Variants in CTNNA2 observed in about 807,000 individuals in gnomAD.
CTNNA2 encodes catenin alpha-2.
A neutral mutation model predicts 101.0 loss-of-function variants in CTNNA2; 42 were observed. That is an observed-to-expected ratio of 0.42 (90% CI 0.32 to 0.54). The LOEUF (loss-of-function observed/expected upper bound fraction) is 0.54, where lower values mean the gene tolerates loss of function less well. CTNNA2 is among the 20% of genes least tolerant of loss of function. CTNNA2 has a pLI of 0.14. For missense variants in CTNNA2, 871 were observed against 1,223.1 expected (o/e 0.71, Z 4.29); for synonymous variants, 450 against 456.4 (o/e 0.99, Z 0.18).
At chr2:79,859,528 T>C (rs1013292856) in intron 4 of CTNNA2, among the ~76,000 whole-genome samples, 1 of 152,102 alleles carries the variant, frequency 6.6e-6, no homozygotes, top group African/African-American at 2.4e-5. Context: ...AGCTCCGAGG[T>C]CATAAACATA....
chr2:79,814,906 T>C (rs1453314931), intron 3 of CTNNA2, among the ~76,000 whole-genome samples: 1 of 152,160 alleles, frequency 6.6e-6, no homozygotes, highest in African/African-American at 2.4e-5. Context: ...TGTAGAAGTG[T>C]TCCCTGATGA....
intron 7 of CTNNA2, among the ~76,000 whole-genome samples, chr2:80,257,714 C>T (rs2149117038): frequency 6.6e-6 from 1 of 152,322 alleles, no homozygotes; most frequent in African/African-American, 2.4e-5. Context: ...TCTCCTCAAG[C>T]ACTCGCGCTC....
At chr2:79,540,007 T>C (rs942414069) in intron 1 of CTNNA2, among the ~76,000 whole-genome samples, 2 of 152,208 alleles carry the variant, frequency 1.3e-5, no homozygotes, top group African/African-American at 4.8e-5. Context: ...CTAATTTGTA[T>C]ATAATTCCTA....
chr2:80,352,560 C>T (rs979262831), intron 7 of CTNNA2, among the ~76,000 whole-genome samples: 1 of 152,096 alleles, frequency 6.6e-6, no homozygotes, highest in Non-Finnish European at 1.5e-5. Flanking sequence ...ACTTCATCAG[C>T]AGTAAGAATT....
At chr2:80,007,846 G>A (rs547209879) in intron 7 of CTNNA2, among the ~76,000 whole-genome samples, 1 of 152,070 alleles carries the variant, frequency 6.6e-6, no homozygotes, top group Non-Finnish European at 1.5e-5. Context: ...ACAGTGAGAG[G>A]ACCACTACTC....
intron 7 of CTNNA2, among the ~76,000 whole-genome samples, chr2:79,970,211 G>C (rs1462886097): frequency 6.6e-6 from 1 of 152,134 alleles, no homozygotes; most frequent in African/African-American, 2.4e-5. Context: ...AATGGTAGGA[G>C]GACAGTAATG....
chr2:80,169,227 G>C (rs1365824773), intron 7 of CTNNA2, among the ~76,000 whole-genome samples: 1 of 152,182 alleles, frequency 6.6e-6, no homozygotes, highest in Admixed American at 6.5e-5. Flanking sequence ...AGGGAAGATT[G>C]TGTGACTCAA....
chr2:79,437,837 T>G (rs1678733917), intron 4 of CTNNA2, among the ~76,000 whole-genome samples: 1 of 152,164 alleles, frequency 6.6e-6, no homozygotes, highest in Non-Finnish European at 1.5e-5. Context: ...GCGCTGCTCT[T>G]TGTTCCAGCG....
At chr2:79,265,107 C>A (rs150685336) in intron 2 of CTNNA2, among the ~76,000 whole-genome samples, 2,691 of 152,236 alleles carry the variant, frequency 0.018, 32 homozygotes, top group Admixed American at 0.026. Flanking sequence ...TTTTGAGGAA[C>A]CATTTTAGGA....
chr2:80,577,829 G>C (rs116669113), intron 13 of CTNNA2, among the ~76,000 whole-genome samples: 1 of 152,066 alleles, frequency 6.6e-6, no homozygotes, highest in Non-Finnish European at 1.5e-5. Flanking sequence ...TATATTCTCA[G>C]CCTTCTCCCA....
intron 3 of CTNNA2, among the ~76,000 whole-genome samples, chr2:79,771,822 T>C (rs1381515235): frequency 6.6e-6 from 1 of 152,226 alleles, no homozygotes; most frequent in Non-Finnish European, 1.5e-5. Context: ...TTCTAGTTGA[T>C]ACAAAATTAT....
chr2:79,930,427 C>A (rs954015941), intron 7 of CTNNA2, among the ~76,000 whole-genome samples: 1 of 152,188 alleles, frequency 6.6e-6, no homozygotes, highest in Non-Finnish European at 1.5e-5. Context: ...TGTAGAGCAA[C>A]CTTAGGTTCT....
At chr2:79,461,816 T>C (rs1670882745) in intron 4 of CTNNA2, among the ~76,000 whole-genome samples, 1 of 152,026 alleles carries the variant, frequency 6.6e-6, no homozygotes, top group African/African-American at 2.4e-5. Context: ...GTAAAATTGA[T>C]GAGGAAAAAG....
At chr2:79,260,399 A>G (rs1034847217) in intron 2 of CTNNA2, among the ~76,000 whole-genome samples, 3 of 152,134 alleles carry the variant, frequency 2.0e-5, no homozygotes, top group Admixed American at 1.3e-4. Context: ...TGTTTGCTAG[A>G]TATGTCTCCT....
At chr2:80,107,914 G>A (rs1202170229) in intron 7 of CTNNA2, among the ~76,000 whole-genome samples, 2 of 152,208 alleles carry the variant, frequency 1.3e-5, no homozygotes, top group African/African-American at 4.8e-5. Flanking sequence ...TCCCACAAGA[G>A]GTTGAGTGGG....
chr2:79,347,159 C>T (rs1677281315), intron 3 of CTNNA2, among the ~76,000 whole-genome samples: 1 of 152,102 alleles, frequency 6.6e-6, no homozygotes, highest in African/African-American at 2.4e-5. Context: ...CTTCAAGCAA[C>T]CATAAGAAAA....
At chr2:80,569,296 G>A (rs573089458) in intron 12 of CTNNA2, among the ~76,000 whole-genome samples, 5 of 152,200 alleles carry the variant, frequency 3.3e-5, no homozygotes, top group African/African-American at 9.6e-5. Context: ...GGATATCATC[G>A]TTTTGTGGCC....
At chr2:80,556,540 A>G (rs1348642704) in intron 12 of CTNNA2, among the ~76,000 whole-genome samples, 1 of 152,130 alleles carries the variant, frequency 6.6e-6, no homozygotes, top group Non-Finnish European at 1.5e-5. Context: ...ATGGTCAGGT[A>G]TGGTTACTTA....
intron 3 of CTNNA2, among the ~76,000 whole-genome samples, chr2:79,322,299 G>A (rs959402502): frequency 3.3e-5 from 5 of 152,070 alleles, no homozygotes; most frequent in South Asian, 2.1e-4. Context: ...TGCCACATTC[G>A]TTTCATTGTC....
Sources: gnomAD v4.1 joint callset for allele counts (sites outside exome capture counted in the v4.1 genomes callset) on GRCh38, gnomAD v4.1.1 for gene constraint, MANE v1.5 for transcripts, NCBI Gene and HGNC (gene_info 2026-07-23, HGNC 2026-07-21) for gene names.